Variants in ENPP2 observed in about 807,000 individuals in gnomAD.
The protein encoded by ENPP2 is autotaxin.
In ENPP2, 51 loss-of-function variants were observed where a neutral mutation model predicts 120.2. The observed-to-expected ratio is 0.42, with a 90% CI of 0.34 to 0.54. The LOEUF (loss-of-function observed/expected upper bound fraction) is 0.54, where lower values mean the gene tolerates loss of function less well. ENPP2 is among the 20% of genes least tolerant of loss of function. ENPP2 has a pLI of 0.04. For synonymous variants in ENPP2, 365 were observed against 366.4 expected (o/e 1.00, Z 0.04); for missense variants, 920 against 1,066.5 (o/e 0.86, Z 1.91).
At chr8:119,618,175 T>A in intron 5 of ENPP2, 4 of 373,840 alleles carry the variant, frequency 1.1e-5, no homozygotes, top group Non-Finnish European at 2.1e-5. Context: ...GGTAGCTTTT[T>A]TTGAGATGAG....
At chr8:119,574,547 T>C (rs1347623125) in intron 19 of ENPP2, among the ~76,000 whole-genome samples, 2 of 152,042 alleles carry the variant, frequency 1.3e-5, no homozygotes, top group African/African-American at 4.8e-5. Flanking sequence ...GGCAAAATAC[T>C]GTGAGGCCAA....
chr8:119,621,440 G>A lies in ENPP2; in HGVS notation c.372C>T (p.Cys124=), dbSNP rs1473597170. 1 of 1,613,378 alleles carries A rather than the reference G, an allele frequency of 6.2e-7. No homozygotes were observed. Among genetic ancestry groups the A allele is most frequent in the African/African-American group, 1.3e-5 (1 of 74,892 alleles). ...EENACHCSED[C]LARGDCCTNY... The stretch of plus-strand genomic sequence containing the variant: ...TGGTACAGCAGTCTCCCCTGGCCAA[G>A]CAGTCCTCTGAGCAGTGACAGGCAT... Residue 124 remains cysteine, a synonymous_variant, in exon 4 of 25, where the codon TGC becomes TGT. Coordinates refer to ENST00000075322, the MANE Select transcript of ENPP2 (RefSeq NM_001040092.3).
chr8:119,567,594 T>G (rs1814579176), intron 22 of ENPP2, among the ~76,000 whole-genome samples: 1 of 152,186 alleles, frequency 6.6e-6, no homozygotes, highest in Non-Finnish European at 1.5e-5. Context: ...AAATAATTGG[T>G]ACAGGACTAA....
intron 1 of ENPP2, among the ~76,000 whole-genome samples, chr8:119,668,348 G>T (rs1436953956): frequency 6.6e-6 from 1 of 151,512 alleles, no homozygotes. Context: ...TCTAAATATG[G>T]TCTGAACAAT....
intron 8 of ENPP2, among the ~76,000 whole-genome samples, chr8:119,610,701 G>A (rs1287179673): frequency 2.6e-5 from 4 of 151,804 alleles, no homozygotes; most frequent in Non-Finnish European, 5.9e-5. Context: ...TCAGGAGTTC[G>A]AGACCAGCCT....
chr8:119,664,646 C>T (rs1270227199), intron 1 of ENPP2, among the ~76,000 whole-genome samples: 1 of 152,108 alleles, frequency 6.6e-6, no homozygotes, highest in African/African-American at 2.4e-5. Context: ...GTGGCTTACA[C>T]AATGAAATGT....
chr8:119,651,520 C>G (rs1275143105), intron 1 of ENPP2, among the ~76,000 whole-genome samples: 1 of 152,080 alleles, frequency 6.6e-6, no homozygotes. Flanking sequence ...CTCTTGATTT[C>G]CCAATAAGAA....
chr8:119,581,710 C>T (rs1242029433), intron 18 of ENPP2, among the ~76,000 whole-genome samples: 1 of 151,976 alleles, frequency 6.6e-6, no homozygotes, highest in Non-Finnish European at 1.5e-5. Flanking sequence ...TGGTAAATTA[C>T]TCATTAAACA....
chr8:119,671,664 C>A (rs1486178919), intron 1 of ENPP2, among the ~76,000 whole-genome samples: 1 of 152,144 alleles, frequency 6.6e-6, no homozygotes, highest in African/African-American at 2.4e-5. Flanking sequence ...CAGGTCCTAA[C>A]TCGGTGATTT....
chr8:119,566,077 T>C (rs1814405292), intron 22 of ENPP2, among the ~76,000 whole-genome samples: 1 of 152,218 alleles, frequency 6.6e-6, no homozygotes. Flanking sequence ...GCTTTTGCAC[T>C]TGCTCTTTCC....
At chr8:119,639,427 A>G (rs1239932066), upstream of ENPP2, among the ~76,000 whole-genome samples, 1 of 152,196 alleles carries the variant, frequency 6.6e-6, no homozygotes, top group Non-Finnish European at 1.5e-5. Context: ...AATTGTAACT[A>G]ACATAAAAGA....
intron 9 of ENPP2, among the ~76,000 whole-genome samples, chr8:119,602,112 A>G (rs1415990325): frequency 1.3e-5 from 2 of 152,220 alleles, no homozygotes; most frequent in Admixed American, 6.5e-5. Flanking sequence ...CCTCTATAAA[A>G]TAATGGGTTA....
At chr8:119,563,056 T>C (rs765541105) in intron 23 of ENPP2, 43 bp from the exon 24 acceptor site, 11 of 1,562,196 alleles carry the variant, frequency 7.0e-6, no homozygotes, top group Middle Eastern at 1.8e-4. Context: ...GATGAGTTGA[T>C]GTTGAAGCTT....
intron 24 of ENPP2, among the ~76,000 whole-genome samples, chr8:119,562,379 G>T (rs562269546): frequency 6.6e-5 from 10 of 150,444 alleles, no homozygotes; most frequent in African/African-American, 2.0e-4. Context: ...GGAGGTGAAG[G>T]TTGCAGTGAG....
At chr8:119,647,155 C>A (rs1266487552) in intron 1 of ENPP2, among the ~76,000 whole-genome samples, 1 of 152,064 alleles carries the variant, frequency 6.6e-6, no homozygotes, top group African/African-American at 2.4e-5. Context: ...CACCACAACA[C>A]CCAGCTGATT....
At chr8:119,657,375 T>A (rs1259620080) in intron 1 of ENPP2, among the ~76,000 whole-genome samples, 1 of 152,208 alleles carries the variant, frequency 6.6e-6, no homozygotes, top group African/African-American at 2.4e-5. Flanking sequence ...CCTCCTCTAT[T>A]GAGTTTGTTC....
chr8:119,564,700 ATT>A (rs1415520222), intron 23 of ENPP2, 121 bp downstream of exon 23: 1 of 440,520 alleles, frequency 2.3e-6, no homozygotes, highest in Admixed American at 4.1e-5. Context: ...ATATATATAT[ATT>A]GAAAAATTCA....
intron 1 of ENPP2, among the ~76,000 whole-genome samples, chr8:119,663,326 T>G (rs17804209): frequency 0.09 from 13,706 of 152,240 alleles, 881 homozygotes; most frequent in South Asian, 0.2. Context: ...ACTTTTAAAA[T>G]ATCGAAAAAT....
At chr8:119,653,926 A>C (rs1362495483) in intron 1 of ENPP2, among the ~76,000 whole-genome samples, 4 of 149,176 alleles carry the variant, frequency 2.7e-5, no homozygotes, top group Admixed American at 6.7e-5. Context: ...GCATCTCTCT[A>C]TATATTTTTT....
Sources: allele counts gnomAD v4.1 joint callset (sites outside exome capture counted in the v4.1 genomes callset), GRCh38; gene constraint gnomAD v4.1.1; transcripts MANE v1.5; gene names NCBI Gene and HGNC (gene_info 2026-07-23, HGNC 2026-07-21).